Variants in VRTN observed in about 807,000 individuals in gnomAD.
VRTN encodes the protein vertnin.
VRTN carries 5 observed loss-of-function variants against 18.2 expected under a neutral mutation model. The observed-to-expected ratio is 0.27, with a 90% CI of 0.14 to 0.58. VRTN has a LOEUF of 0.58. Among genes scored for constraint, VRTN ranks in the 20% least tolerant of loss-of-function variants. VRTN has a pLI of 0.91. For synonymous variants in VRTN, 381 were observed against 393.7 expected (o/e 0.97, Z 0.38); for missense variants, 741 against 939.4 (o/e 0.79, Z 2.76).
Position 74,358,657 on chromosome 14 carries a change from T to C in VRTN, c.1874T>C (p.Leu625Pro), listed in dbSNP as rs1285065521. 6.2e-7 allele frequency: 1 copy of C among 1,611,746 alleles called. No homozygotes were observed. Among genetic ancestry groups the C allele is most frequent in the Non-Finnish European group, 8.5e-7 (1 of 1,178,710 alleles). ...GGCCAGCCCCACAGTGGGCCCTTGC[T>C]GAGCCAACCTGTGGTGGCAGCAGCG... ...AQGQPHSGPL[L>P]SQPVVAAAGG... Residue 625 changes from leucine (L) to proline (P), a missense_variant, in exon 2 of 2, where the codon CTG (leucine) becomes CCG (proline). Transcript: ENST00000256362. This position sits in a 1 kb window ranked among gnomAD's most constrained non-coding sequence, Gnocchi z 5.4.
At chr14:74,330,834 A>G (rs2085517204) in intron 1 of VRTN, among the ~76,000 whole-genome samples, 1 of 152,130 alleles carries the variant, frequency 6.6e-6, no homozygotes, top group South Asian at 2.1e-4. Context: ...AAGAAGGGAA[A>G]GAGCCCACGT....
intron 1 of VRTN, among the ~76,000 whole-genome samples, chr14:74,320,736 G>A (rs1402427642): frequency 1.1e-4 from 17 of 148,970 alleles, no homozygotes; most frequent in Admixed American, 1.1e-3. Flanking sequence ...ACAGGTGCCC[G>A]CCACTGAACC....
At position 74,359,576 on chromosome 14, in the gene VRTN, A is replaced by G. The variant is rs2085765658; in HGVS notation, c.*684A>G. ...AGCTGATCAGCAGCTTGTGCCTGGCATCCCCAAGGGAGAAGGTGCCAGGTC... is the reference window on the plus strand; with the variant it reads ...AGCTGATCAGCAGCTTGTGCCTGGCGTCCCCAAGGGAGAAGGTGCCAGGTC... On this transcript the variant is annotated 3_prime_UTR_variant, in exon 2 of 2. Coordinates refer to ENST00000256362, the MANE Select transcript of VRTN (RefSeq NM_018228.3). 6.0e-6 allele frequency: 1 copy of G among 167,174 alleles called. No individual in the cohort carries two copies. The highest frequency in any genetic ancestry group is 2.4e-5 in the African/African-American group (1 of 41,444). 10.4% of individuals were successfully genotyped at this position (167,174 alleles called of 1,614,324 possible).
chr14:74,335,176 G>A (rs146871530), intron 1 of VRTN, among the ~76,000 whole-genome samples: 1 of 152,202 alleles, frequency 6.6e-6, no homozygotes, highest in Non-Finnish European at 1.5e-5. Flanking sequence ...AGTTACTAGG[G>A]AGGCTGAGGC....
chr14:74,320,299 C>T (rs12879470), intron 1 of VRTN, among the ~76,000 whole-genome samples: 7 of 126,222 alleles, frequency 5.5e-5, no homozygotes, highest in South Asian at 5.3e-4. Flanking sequence ...CTCGCTCTGT[C>T]GCCCAGGCTG....
intron 2 of VRTN, among the ~76,000 whole-genome samples, chr14:74,339,993 T>C (rs958860104): frequency 6.6e-6 from 1 of 152,032 alleles, no homozygotes; most frequent in African/African-American, 2.4e-5. Context: ...TAGAGTGCAG[T>C]GGCATGATCT....
Position 74,305,542 on chromosome 14 carries a change from A to G in VRTN, c.-164+2366A>G, listed in dbSNP as rs116832310. The stretch of plus-strand genomic sequence containing the variant: ...CTCCAGAAAGACCTGTAAAGAAGCA[A>G]AAGACTGGTGAAACTTGAAGAGCTC... On this transcript the variant is annotated intron_variant, in intron 1 of 2. Coordinates refer to the VRTN transcript ENST00000557177. 6.4e-3 allele frequency: 1,263 copies of G among 197,824 alleles called. 10 individuals are homozygous for G. The highest frequency in any genetic ancestry group is 0.028 in the African/African-American group (1,198 of 42,406). 12.3% of individuals were successfully genotyped at this position (197,824 alleles called of 1,614,324 possible).
At chr14:74,348,829 C>T (rs946235390) in intron 1 of VRTN, among the ~76,000 whole-genome samples, 177 bp downstream of exon 1, 5 of 151,654 alleles carry the variant, frequency 3.3e-5, no homozygotes, top group Admixed American at 1.3e-4. Context: ...AGGGAGAGGA[C>T]GCATTGTTTC....
intron 1 of VRTN, among the ~76,000 whole-genome samples, chr14:74,334,700 A>G (rs1169625033): frequency 6.6e-6 from 1 of 152,214 alleles, no homozygotes; most frequent in African/African-American, 2.4e-5. Flanking sequence ...ATATGTATGC[A>G]CTATTATATT....
chr14:74,339,620 G>T (rs555090759), intron 2 of VRTN, among the ~76,000 whole-genome samples: 1 of 152,026 alleles, frequency 6.6e-6, no homozygotes, highest in Non-Finnish European at 1.5e-5. Flanking sequence ...TCTAGAGCAG[G>T]CTGGGAAAAA....
intron 1 of VRTN, among the ~76,000 whole-genome samples, chr14:74,307,294 A>G (rs530656626): frequency 6.6e-6 from 1 of 151,848 alleles, no homozygotes; most frequent in Admixed American, 6.6e-5. Context: ...ACGCCCGGCT[A>G]ATTTTTTATA....
At chr14:74,351,520 T>TTA (rs1390136315) in intron 1 of VRTN, among the ~76,000 whole-genome samples, 1 of 101,170 alleles carries the variant, frequency 9.9e-6, no homozygotes, top group Admixed American at 1.1e-4. Flanking sequence ...TTTTTTTTTT[T>TTA]AAGACAGTCT....
chr14:74,308,865 T>C (rs1227758772), intron 1 of VRTN, among the ~76,000 whole-genome samples: 1 of 87,198 alleles, frequency 1.1e-5, no homozygotes, highest in Non-Finnish European at 2.0e-5. Flanking sequence ...AACTTCTGTT[T>C]GTTTTTTTTT....
At chr14:74,347,364 A>C (rs1468530411), upstream of VRTN, among the ~76,000 whole-genome samples, 1 of 152,234 alleles carries the variant, frequency 6.6e-6, no homozygotes, top group Admixed American at 6.5e-5. Context: ...CAGGAACTGG[A>C]CTTGAGTTCA....
chr14:74,316,837 C>T (rs1286933515), intron 1 of VRTN, among the ~76,000 whole-genome samples: 2 of 151,886 alleles, frequency 1.3e-5, no homozygotes, highest in Non-Finnish European at 2.9e-5. Context: ...CGGGGTTTCA[C>T]TGTGTTAGCC....
At position 74,359,103 on chromosome 14, in the gene VRTN, C is replaced by A. The variant is rs2085761556; in HGVS notation, c.*211C>A. On this transcript the variant is annotated 3_prime_UTR_variant, in exon 2 of 2. Coordinates refer to ENST00000256362, the MANE Select transcript of VRTN (RefSeq NM_018228.3). Reference sequence around the variant, plus strand: ...GGTCTCCCGTAGGAAACTGTGGGACCAGAGATATCCTCTTTCGTTGTTTGC... The same window carrying A: ...GGTCTCCCGTAGGAAACTGTGGGACAAGAGATATCCTCTTTCGTTGTTTGC... 3 of 895,876 alleles carry A rather than the reference C, an allele frequency of 3.3e-6. No homozygotes were observed. Among genetic ancestry groups the A allele is most frequent in the Non-Finnish European group, 4.6e-6 (3 of 648,444 alleles). The allele number at this position is 895,876 out of a possible 1,614,324, so 55.5% of individuals were successfully genotyped here.
At chr14:74,316,068 C>A (rs2085418017) in intron 1 of VRTN, among the ~76,000 whole-genome samples, 1 of 152,160 alleles carries the variant, frequency 6.6e-6, no homozygotes, top group Non-Finnish European at 1.5e-5. Flanking sequence ...CTGCTTACGG[C>A]ACTCCCAGCA....
In VRTN at chr14:74,358,947, G is replaced by C; in HGVS notation, c.*55G>C. 6.5e-7 allele frequency: 1 copy of C among 1,544,754 alleles called. No individual in the cohort carries two copies. Among genetic ancestry groups the C allele is most frequent in the Non-Finnish European group, 8.7e-7 (1 of 1,145,700 alleles). On this transcript the variant is annotated 3_prime_UTR_variant, in exon 2 of 2. Coordinates refer to ENST00000256362, the MANE Select transcript of VRTN (RefSeq NM_018228.3). This position sits in a 1 kb window ranked among gnomAD's most constrained non-coding sequence, Gnocchi z 5.4. ...GGGGGACCAGTTTGGAGAGGGTCAG[G>C]GACCTGAGCTGACCCCAGGCTTGGC...
rs865884093 is a variant in VRTN, at chr14:74,340,982, T to C, written c.-2+3098T>C. On this transcript the variant is annotated intron_variant, in intron 2 of 2. Coordinates refer to the VRTN transcript ENST00000557177. ...TGGTCTTGATCTCCTGACCCTGTGA[T>C]CCGCCTGCCTCGGCCTCCCAGAGTG... is the stretch of plus-strand genomic sequence containing the variant. 1.1e-4 allele frequency among the ~76,000 whole-genome samples: 16 copies of C among 152,198 alleles called. No individual in the cohort carries two copies. The South Asian group carries it at 2.1e-3, about 20-fold the overall frequency.
Sources: allele counts gnomAD v4.1 joint callset (sites outside exome capture counted in the v4.1 genomes callset), GRCh38; gene constraint gnomAD v4.1.1; non-coding constraint Gnocchi (gnomAD v3.1); transcripts MANE v1.5; gene names NCBI Gene and HGNC (gene_info 2026-07-23, HGNC 2026-07-21).